The following ELFN2 variants were observed in gnomAD, a reference collection of about 807,000 sequenced individuals.
The protein encoded by ELFN2 is extracellular leucine rich repeat and fibronectin type III domain containing 2.
ELFN2 carries 17 observed loss-of-function variants against 45.5 expected under a neutral mutation model. That is an observed-to-expected ratio of 0.37 (90% CI 0.26 to 0.56). The LOEUF (loss-of-function observed/expected upper bound fraction) is 0.56. Among genes scored for constraint, ELFN2 ranks in the 20% least tolerant of loss-of-function variants. The pLI is 0.77. For missense variants in ELFN2, 922 were observed against 1,183.2 expected, an observed-to-expected ratio of 0.78 and a Z score of 3.24; for synonymous variants, 550 against 551.5, an observed-to-expected ratio of 1.00 and a Z score of 0.04.
rs1931556832 is a variant in ELFN2 at position 37,375,597 on chromosome 22, G to C, written c.-63C>G. ...GGGGTGCCTAGCGGCCAGAGGCTGGGGCTGGCAGTACAGTCCTCCCTGGGG... is the reference window on the plus strand; with the variant it reads ...GGGGTGCCTAGCGGCCAGAGGCTGGCGCTGGCAGTACAGTCCTCCCTGGGG... On this transcript the variant is annotated 5_prime_UTR_variant, in exon 3 of 3. Transcript: ENST00000402918. 2 of 1,476,122 alleles carry C rather than the reference G, an allele frequency of 1.4e-6. No homozygotes were observed. Among genetic ancestry groups the C allele is most frequent in the South Asian group, 2.8e-5 (2 of 70,946 alleles). 91.4% of individuals were successfully genotyped at this position (1,476,122 alleles called of 1,614,324 possible). A position where few individuals can be genotyped will look rare whatever the true frequency, so the allele number is the denominator to read the frequency against.
rs573203265 is a variant in ELFN2, at chr22:37,373,357, C to A, written c.2178G>T (p.Gln726His). The A allele has an allele frequency of 9.3e-6, 15 of 1,613,000 alleles. No individual in the cohort carries two copies. In the African/African-American group the frequency reaches 1.7e-4, roughly 19 times the overall value. ...YYEEGADSLS[Q>H]RVSFLKPLTR... ...TCAGCGGCTTGAGGAAGGACACGCG[C>A]TGGCTCAGGCTGTCGGCACCCTCCT... The change falls in exon 3 of 3, where the codon CAG becomes CAT. Residue 726 changes from glutamine (Q) to histidine (H), a missense_variant. By Grantham distance (24) the Gln-to-His change is conservative. This residue lies in a region of ELFN2 where 564 missense variants were observed against 642.8 expected (regional missense o/e 0.88). Transcript: ENST00000402918.
chr22:37,356,163 A>G (rs5995421), intron 1 of ELFN2, among the ~76,000 whole-genome samples: 70,528 of 151,924 alleles, frequency 0.46, 17,056 homozygotes, highest in Middle Eastern at 0.59. Context: ...GGGGGCGGTC[A>G]ACTTCTCTAG....
chr22:37,366,393 T>C (rs977551907), downstream of ELFN2, among the ~76,000 whole-genome samples: 13 of 152,014 alleles, frequency 8.6e-5, no homozygotes, highest in Non-Finnish European at 1.6e-4. Context: ...GCCACAGGGC[T>C]CCCCCAGCCC....
chr22:37,413,759 G>A (rs760334212), intron 2 of ELFN2, among the ~76,000 whole-genome samples: 9 of 152,194 alleles, frequency 5.9e-5, no homozygotes, highest in Non-Finnish European at 1.2e-4. Flanking sequence ...CACACAGCTA[G>A]CGAGCATCTG....
chr22:37,347,241 C>T (rs991051370), intron 1 of ELFN2, among the ~76,000 whole-genome samples: 7 of 152,074 alleles, frequency 4.6e-5, no homozygotes, highest in African/African-American at 1.7e-4. Flanking sequence ...GGCCTCCCAA[C>T]GTGCTGGGAT....
At chr22:37,390,533 A>G (rs867728624) in intron 2 of ELFN2, among the ~76,000 whole-genome samples, 11 of 152,096 alleles carry the variant, frequency 7.2e-5, no homozygotes, top group Non-Finnish European at 1.5e-4. Context: ...GAGAAGCCGC[A>G]TTCTCCCCTC....
intron 2 of ELFN2, among the ~76,000 whole-genome samples, chr22:37,410,814 C>G (rs1932629912): frequency 6.6e-6 from 1 of 152,328 alleles, no homozygotes; most frequent in African/African-American, 2.4e-5. Flanking sequence ...GGAACCCACG[C>G]GTCTACTCCA....
Position 37,410,422 on chromosome 22 carries a change from G to A in ELFN2, c.-463+7347C>T, listed in dbSNP as rs146011051. Among the ~76,000 whole-genome samples the A allele has an allele frequency of 6.9e-3, 1,057 of 152,220 alleles. 15 individuals carry two copies. The highest frequency in any genetic ancestry group is 0.024 in the African/African-American group (1,015 of 41,526). ...CCTCTCTGGGCTGCAGCCTGCCCAC[G>A]AGTGCGGGCAGTGGGTGGGAGACCT... On this transcript the variant is annotated intron_variant, in intron 2 of 2. Transcript: ENST00000402918.
intron 2 of ELFN2, among the ~76,000 whole-genome samples, chr22:37,400,924 A>C (rs1932345530): frequency 6.6e-6 from 1 of 152,262 alleles, no homozygotes; most frequent in African/African-American, 2.4e-5. Context: ...TCACAGGTTA[A>C]GTATTTCATT....
downstream of ELFN2, among the ~76,000 whole-genome samples, chr22:37,363,710 G>A (rs942259806): frequency 6.6e-6 from 1 of 152,168 alleles, no homozygotes. Context: ...GTCTAGCCGT[G>A]AAACCCTCCA....
At chr22:37,356,273 G>A (rs552618296) in intron 1 of ELFN2, among the ~76,000 whole-genome samples, 4 of 152,098 alleles carry the variant, frequency 2.6e-5, no homozygotes, top group Non-Finnish European at 2.9e-5. Flanking sequence ...TTACCCGAAG[G>A]GCCTTCACTC....
rs1931611339 is a variant in ELFN2 at position 37,377,419 on chromosome 22, A to G, written c.-462-1423T>C. Among the ~76,000 whole-genome samples the G allele has an allele frequency of 2.0e-5, 3 of 152,334 alleles. No homozygotes were observed. The South Asian group carries it at 6.2e-4, about 32-fold the overall frequency. On this transcript the variant is annotated intron_variant, in intron 2 of 2. Coordinates refer to ENST00000402918, the MANE Select transcript of ELFN2 (RefSeq NM_052906.5). The stretch of plus-strand genomic sequence containing the variant: ...ACACAGAAAGCCAGAGACTGTTCAC[A>G]AGAGCCACCTCTGCCTCTCTCTCCT...
intron 2 of ELFN2, among the ~76,000 whole-genome samples, chr22:37,395,131 A>AAATG (rs1270050136): frequency 1.0e-4 from 15 of 148,364 alleles, no homozygotes; most frequent in Non-Finnish European, 2.1e-4. Flanking sequence ...ATAAATAAAT[A>AAATG]AATAAATAAA....
intron 1 of ELFN2, among the ~76,000 whole-genome samples, chr22:37,426,286 G>C (rs928178857): frequency 2.0e-5 from 3 of 151,728 alleles, no homozygotes; most frequent in Non-Finnish European, 4.4e-5. Context: ...GGGCACGCCT[G>C]ACACACCATG....
chr22:37,394,209 G>A (rs1024893014), intron 2 of ELFN2, among the ~76,000 whole-genome samples: 4 of 151,960 alleles, frequency 2.6e-5, no homozygotes, highest in African/African-American at 4.8e-5. Context: ...CATCCACCTC[G>A]ACACCTCTCC....
chr22:37,393,201 T>C (rs889679301), intron 2 of ELFN2, among the ~76,000 whole-genome samples: 1 of 152,242 alleles, frequency 6.6e-6, no homozygotes, highest in Non-Finnish European at 1.5e-5. Flanking sequence ...GACCACCACC[T>C]GGCCTCGTCA....
chr22:37,385,506 C>T (rs1931923716), intron 2 of ELFN2, among the ~76,000 whole-genome samples: 1 of 152,242 alleles, frequency 6.6e-6, no homozygotes, highest in East Asian at 1.9e-4. Context: ...GAAGATCTGG[C>T]TTCCCTGGGT....
chr22:37,351,083 G>A (rs995435683), intron 1 of ELFN2, among the ~76,000 whole-genome samples: 2 of 150,158 alleles, frequency 1.3e-5, no homozygotes, highest in African/African-American at 4.9e-5. Flanking sequence ...CAATCAGCCA[G>A]CCAACCCTCC....
In ELFN2 at chr22:37,374,021, A is replaced by T. The variant is rs753856853; in HGVS notation, c.1514T>A (p.Val505Glu). The change falls in exon 3 of 3, where the codon GTG becomes GAG. Residue 505 changes from valine to glutamate, a missense_variant. By Grantham distance (121) the Val-to-Glu change is moderately radical. This residue lies in a region of ELFN2 where 564 missense variants were observed against 642.8 expected (regional missense o/e 0.88). Transcript: ENST00000402918. The stretch of plus-strand genomic sequence containing the variant: ...ACCGTCCCCGCCGGCGCCTGTGCGC[A>T]CCTCGATATAGTTGCCTTTGGTGGC... ...KVATKGNYIE[V>E]RTGAGGDGLA... 1 of 1,613,088 alleles carries T rather than the reference A, an allele frequency of 6.2e-7. No homozygotes were observed.
Sources: allele counts gnomAD v4.1 joint callset (sites outside exome capture counted in the v4.1 genomes callset), GRCh38; gene constraint gnomAD v4.1.1; regional missense constraint gnomAD v4.1.1; transcripts MANE v1.5; gene names NCBI Gene and HGNC (gene_info 2026-07-23, HGNC 2026-07-21).